Variants in HNRNPDL observed in about 807,000 individuals in gnomAD.
HNRNPDL encodes heterogeneous nuclear ribonucleoprotein D like, also known as heterogeneous nuclear ribonucleoprotein D-like.
Under a neutral mutation model 48.0 loss-of-function variants are expected in HNRNPDL, and 18 were observed. The observed-to-expected ratio is 0.38, with a 90% CI of 0.26 to 0.56. The LOEUF is 0.56. HNRNPDL is among the 20% of genes least tolerant of loss of function. The pLI is 0.77. For synonymous variants in HNRNPDL, 306 were observed against 207.3 expected, an observed-to-expected ratio of 1.48 and a Z score of -4.09; for missense variants, 553 against 540.7, an observed-to-expected ratio of 1.02 and a Z score of -0.23.
Position 82,428,170 on chromosome 4 carries a change from G to A in HNRNPDL, c.622C>T (p.Leu208=), listed in dbSNP as rs144740771. The A allele has an allele frequency of 3.0e-5, 49 of 1,613,742 alleles. No individual in the cohort carries two copies. The highest frequency in any genetic ancestry group is 3.6e-5 in the Non-Finnish European group (43 of 1,179,970). The change falls in exon 3 of 8, where the codon CTG becomes TTG. Residue 208 remains leucine, a synonymous_variant. Coordinates refer to ENST00000295470, the MANE Select transcript of HNRNPDL (RefSeq NM_031372.4). ...TTGCCATCCAGTTTGTGTTCTTTCA[G>A]TTCCAAAACCTACAAGACAGATTTA... ...DAASVDKVLE[L]KEHKLDGKLI... is the part of the protein sequence containing the mutation.
At position 82,429,737 on chromosome 4, in the gene HNRNPDL, G is replaced by A; in HGVS notation, c.-47C>T. 7.7e-7 allele frequency: 1 copy of A among 1,293,786 alleles called. No individual in the cohort carries two copies. Among genetic ancestry groups the A allele is most frequent in the Non-Finnish European group, 9.9e-7 (1 of 1,012,394 alleles). 80.1% of individuals were successfully genotyped at this position (1,293,786 alleles called of 1,614,324 possible). ...AGAGGCCACGCGTGAGGGGACGCGG[G>A]CTTGGGAGAAGAGAAGAATCAGAAG... On this transcript the variant is annotated 5_prime_UTR_variant, in exon 1 of 8. Transcript: ENST00000295470.
At chr4:82,429,162 A>C in intron 1 of HNRNPDL, 86 bp downstream of exon 1, 1 of 1,252,358 alleles carries the variant, frequency 8.0e-7, no homozygotes, top group Non-Finnish European at 1.2e-6. Context: ...TCTGAGAAAG[A>C]ATGGGGGCAG....
Position 82,423,910 on chromosome 4 carries a change from T to C in HNRNPDL, c.*996A>G, listed in dbSNP as rs552205295. ...GCACTGTGTCAAAAACTAGATTTAC[T>C]ATCAAGACTTTTTCTAAACTCACAG... is the stretch of plus-strand genomic sequence containing the variant. On this transcript the variant is annotated 3_prime_UTR_variant, in exon 8 of 8. Transcript: ENST00000295470. The C allele has an allele frequency of 9.2e-5, 14 of 152,366 alleles. No homozygotes were observed. Among genetic ancestry groups the C allele is most frequent in the African/African-American group, 3.4e-4 (14 of 41,600 alleles). 9.4% of individuals were successfully genotyped at this position (152,366 alleles called of 1,614,324 possible).
At position 82,422,861 on chromosome 4, in the gene HNRNPDL, T is replaced by C. The variant is rs551556311; in HGVS notation, c.*2045A>G. On this transcript the variant is annotated 3_prime_UTR_variant, in exon 8 of 8. Transcript: ENST00000295470. ...TAAAAAACATACACAGAGTATTTGTTATAGGTACTTTAGAATTCATTTCTA... is the reference window on the plus strand; with the variant it reads ...TAAAAAACATACACAGAGTATTTGTCATAGGTACTTTAGAATTCATTTCTA... 3 of 152,340 alleles carry C rather than the reference T, an allele frequency of 2.0e-5. No individual in the cohort carries two copies. Among genetic ancestry groups the C allele is most frequent in the African/African-American group, 4.8e-5 (2 of 41,580 alleles). The allele number at this position is 152,340 out of a possible 1,614,324, so 9.4% of individuals were successfully genotyped here.
Position 82,427,500 on chromosome 4 carries a change from G to A in HNRNPDL, c.839C>T (p.Thr280Ile). Reference protein sequence around the residue: ...TNERRGFCFITYTDEEPVKKL... With the variant: ...TNERRGFCFIIYTDEEPVKKL... ...TTTTACTGGCTCTTCATCAGTATAT[G>A]TGATAAAACAAAATCCTCTTCTTTC... The change falls in exon 4 of 8, where the codon ACA (threonine) becomes ATA (isoleucine). Residue 280 changes from threonine to isoleucine, a missense_variant. Physicochemically the swap from Thr to Ile is moderately conservative, Grantham distance 89. Coordinates refer to ENST00000295470, the MANE Select transcript of HNRNPDL (RefSeq NM_031372.4). 4 of 1,609,766 alleles carry A rather than the reference G, an allele frequency of 2.5e-6. No homozygotes were observed. The highest frequency in any genetic ancestry group is 3.4e-6 in the Non-Finnish European group (4 of 1,177,672).
chr4:82,427,114 G>A lies in HNRNPDL; in HGVS notation c.1021+76C>T, dbSNP rs866879907. 9.4e-6 allele frequency: 9 copies of A among 954,638 alleles called. No individual in the cohort carries two copies. In the Middle Eastern group the frequency reaches 1.9e-3, roughly 200 times the overall value. 59.1% of individuals were successfully genotyped at this position (954,638 alleles called of 1,614,324 possible). Reference sequence around the variant, plus strand: ...GGTTTTAAGTTTAAAGTTTTGCTTTGGTACAGGACTACTCATATTCAGCAG... The same window carrying A: ...GGTTTTAAGTTTAAAGTTTTGCTTTAGTACAGGACTACTCATATTCAGCAG... On this transcript the variant is annotated intron_variant, in intron 5 of 7. Transcript: ENST00000295470.
At position 82,426,529 on chromosome 4, in the gene HNRNPDL, C is replaced by T. The variant is rs755056939; in HGVS notation, c.1126G>A (p.Gly376Arg). Residue 376 changes from glycine to arginine, a missense_variant, in exon 6 of 8, where the codon GGA (glycine) becomes AGA (arginine). Around this residue, in one of 4 missense-constraint regions of HNRNPDL, gnomAD observed 174 missense variants for 204.6 expected, o/e 0.85. Coordinates refer to ENST00000295470, the MANE Select transcript of HNRNPDL (RefSeq NM_031372.4). ...GGDQNYSGYG[G>R]YDYTGYNYGN... ...TAGTTATACCCAGTATAATCATATC[C>T]GCCATAGCCACTATAGTTTTGATCA... 5 of 1,612,634 alleles carry T rather than the reference C, an allele frequency of 3.1e-6. No homozygotes were observed. Among genetic ancestry groups the T allele is most frequent in the Non-Finnish European group, 4.2e-6 (5 of 1,178,848 alleles).
intron 5 of HNRNPDL, 140 bp downstream of exon 5, chr4:82,427,050 A>C (rs1721441155): frequency 4.1e-6 from 3 of 728,764 alleles, no homozygotes; most frequent in Non-Finnish European, 7.3e-6. Flanking sequence ...CACCACACAC[A>C]ACCTCCACTA....
chr4:82,429,407 A>G lies in HNRNPDL; in HGVS notation c.284T>C (p.Ile95Thr). 7 of 1,613,084 alleles carry G rather than the reference A, an allele frequency of 4.3e-6. No individual in the cohort carries two copies. The highest frequency in any genetic ancestry group is 1.3e-5 in the African/African-American group (1 of 74,918). The change falls in exon 1 of 8, where the codon ATA becomes ACA. Residue 95 changes from isoleucine to threonine, a missense_variant. Ile to Thr is a moderately conservative substitution (Grantham distance 89). Around this residue, in one of 4 missense-constraint regions of HNRNPDL, gnomAD observed 327 missense variants for 203.2 expected, o/e 1.61. Coordinates refer to ENST00000295470, the MANE Select transcript of HNRNPDL (RefSeq NM_031372.4). ...GGCAGCAGCGGCGGCGGAGCGTTGT[A>G]TGGAGCTGGATTTAAAATGGCGGCG... ...LFRRHFKSSS[I>T]QRSAAAAAAT...
In HNRNPDL at chr4:82,429,218, AG is replaced by A. The variant is rs578111870; in HGVS notation, c.443+29del. On this transcript the variant is annotated intron_variant, in intron 1 of 7. Coordinates refer to ENST00000295470, the MANE Select transcript of HNRNPDL (RefSeq NM_031372.4). Reference sequence around the variant, plus strand: ...AAGGGCGCGTGCGGCGCGCTGGGGGAGGGGGAGCGGGGGAAGAAGCGTGCGG... The same window carrying A: ...AAGGGCGCGTGCGGCGCGCTGGGGGAGGGGAGCGGGGGAAGAAGCGTGCGG... The A allele has an allele frequency of 3.2e-4, 498 of 1,558,136 alleles. 1 individual carries two copies. The African/African-American group carries it at 6.5e-3, about 20-fold the overall frequency.
rs1204961276 is a variant in HNRNPDL, at chr4:82,423,659, CCAAAATCCAACTACACTGAATG to C, written c.*1225_*1246del. On this transcript the variant is annotated 3_prime_UTR_variant, in exon 8 of 8. Transcript: ENST00000295470. ...AGTAAATAACACTGAGGCCAAGGTCCCAAAATCCAACTACACTGAATGCAAAATCCAAAGCTTTTTATTATTC... is the reference window on the plus strand; with the variant it reads ...AGTAAATAACACTGAGGCCAAGGTCCCAAAATCCAAAGCTTTTTATTATTC... 6.6e-6 allele frequency: 1 copy of C among 152,128 alleles called. No homozygotes were observed. Among genetic ancestry groups the C allele is most frequent in the African/African-American group, 2.4e-5 (1 of 41,414 alleles). 9.4% of individuals were successfully genotyped at this position (152,128 alleles called of 1,614,324 possible).
intron 7 of HNRNPDL, 73 bp downstream of exon 7, chr4:82,425,964 T>C (rs1721389514): frequency 1.9e-6 from 2 of 1,033,102 alleles, no homozygotes; most frequent in Non-Finnish European, 3.0e-6. Flanking sequence ...ATTTTGTTTT[T>C]ACGTTTCATT....
Position 82,422,592 on chromosome 4 carries a change from T to C in HNRNPDL, c.*2314A>G, listed in dbSNP as rs11737188. 0.26 allele frequency: 39,245 copies of C among 152,118 alleles called. 6,342 individuals carry two copies. Among genetic ancestry groups the C allele is most frequent in the East Asian group, 0.62 (3,207 of 5,170 alleles). The allele number at this position is 152,118 out of a possible 1,614,324, so 9.4% of individuals were successfully genotyped here. A position where few individuals can be genotyped will look rare whatever the true frequency, so the allele number is the denominator to read the frequency against. On this transcript the variant is annotated 3_prime_UTR_variant, in exon 8 of 8. Coordinates refer to ENST00000295470, the MANE Select transcript of HNRNPDL (RefSeq NM_031372.4). ...CATCCCAACAGACATCTCATTTTAA[T>C]AGTCCTCATCTTATAAAAGTGAGAT...
In HNRNPDL at chr4:82,426,138, A is replaced by G. The variant is rs1578083035; in HGVS notation, c.1193-9T>C. 1.9e-6 allele frequency: 3 copies of G among 1,601,982 alleles called. No homozygotes were observed. In the East Asian group the frequency reaches 6.7e-5, roughly 36 times the overall value. On this transcript the variant is annotated splice_polypyrimidine_tract_variant and intron_variant, in intron 6 of 7. Transcript: ENST00000295470. ...ATAAGTGCTCTGTTGGCCTATTTTG[A>G]AAACACAGAATTCTCATTAAGATAG...
Position 82,429,646 on chromosome 4 carries a change from G to C in HNRNPDL, c.45C>G (p.Phe15Leu), listed in dbSNP as rs1411677359. Residue 15 changes from phenylalanine to leucine, a missense_variant, in exon 1 of 8, where the codon TTC becomes TTG. This residue lies in a region of HNRNPDL where 327 missense variants were observed against 203.2 expected (regional missense o/e 1.61). Transcript: ENST00000295470. Reference sequence around the variant, plus strand: ...AGGCTAAAGTAGCGGGAGCGGAGGGGAACAATGGCGGCGGCACATGGGAAA... The same window carrying C: ...AGGCTAAAGTAGCGGGAGCGGAGGGCAACAATGGCGGCGGCACATGGGAAA... ...PRLSHVPPPL[F>L]PSAPATLASR... 7.3e-7 allele frequency: 1 copy of C among 1,368,136 alleles called. No homozygotes were observed. Among genetic ancestry groups the C allele is most frequent in the Non-Finnish European group, 9.4e-7 (1 of 1,061,804 alleles). 84.7% of individuals were successfully genotyped at this position (1,368,136 alleles called of 1,614,324 possible). A position where few individuals can be genotyped will look rare whatever the true frequency, so the allele number is the denominator to read the frequency against.
In HNRNPDL at chr4:82,428,456, AAAGTGTTTTT is replaced by A. The variant is rs755291408; in HGVS notation, c.444-20_444-11del. ...TCCAATAAACATTTTACTAGAAATA[AAAGTGTTTTT>A]AAAAAAAATTAACAATAACTCAAAT... is the stretch of plus-strand genomic sequence containing the variant. On this transcript the variant is annotated splice_polypyrimidine_tract_variant and intron_variant, in intron 1 of 7. Coordinates refer to ENST00000295470, the MANE Select transcript of HNRNPDL (RefSeq NM_031372.4). The A allele has an allele frequency of 1.8e-5, 29 of 1,574,004 alleles. No individual in the cohort carries two copies. Among genetic ancestry groups the A allele is most frequent in the African/African-American group, 4.1e-5 (3 of 73,294 alleles).
At chr4:82,428,498 T>C (rs1242628902) in intron 1 of HNRNPDL, 52 bp from the exon 2 acceptor site, 1 of 1,387,034 alleles carries the variant, frequency 7.2e-7, no homozygotes, top group South Asian at 1.3e-5. Context: ...AAATGATCCT[T>C]CAGTTCTGGA....
At position 82,429,540 on chromosome 4, in the gene HNRNPDL, G is replaced by A; in HGVS notation, c.151C>T (p.Arg51Trp). ...CGCTGGGCCCGGCGCGCCCCCTGCCGGGCGGAGCTGGGAGCGAGCGAAGGG... is the reference window on the plus strand; with the variant it reads ...CGCTGGGCCCGGCGCGCCCCCTGCCAGGCGGAGCTGGGAGCGAGCGAAGGG... Reference protein sequence around the residue: ...LLPSLAPSSARQGARRAQRHV... With the variant: ...LLPSLAPSSAWQGARRAQRHV... The change falls in exon 1 of 8, where the codon CGG (arginine) becomes TGG (tryptophan). Residue 51 changes from arginine to tryptophan, a missense_variant. Around this residue, in one of 4 missense-constraint regions of HNRNPDL, gnomAD observed 327 missense variants for 203.2 expected, o/e 1.61. Transcript: ENST00000295470. 5 of 1,476,540 alleles carry A rather than the reference G, an allele frequency of 3.4e-6. No individual in the cohort carries two copies. The highest frequency in any genetic ancestry group is 4.5e-6 in the Non-Finnish European group (5 of 1,117,096). The allele number at this position is 1,476,540 out of a possible 1,614,324, so 91.5% of individuals were successfully genotyped here.
intron 5 of HNRNPDL, 108 bp from the exon 6 acceptor site, chr4:82,426,741 A>T: frequency 1.1e-6 from 1 of 884,302 alleles, no homozygotes; most frequent in Admixed American, 2.1e-5. Context: ...GGCAGAATGG[A>T]CATATATATT....
Sources: allele counts gnomAD v4.1 joint callset, GRCh38; gene constraint gnomAD v4.1.1; regional missense constraint gnomAD v4.1.1; transcripts MANE v1.5; gene names NCBI Gene and HGNC (gene_info 2026-07-23, HGNC 2026-07-21).